The following CPED1 variants were observed in gnomAD, a reference collection of about 807,000 sequenced individuals.
CPED1 encodes the protein cadherin like and PC-esterase domain containing 1, also known as cadherin-like and PC-esterase domain-containing protein 1.
Under a neutral mutation model 128.2 loss-of-function variants are expected in CPED1, and 114 were observed. That is an observed-to-expected ratio of 0.89 (90% CI 0.76 to 1.04). The LOEUF is 1.04. Among genes scored for constraint, CPED1 ranks in the 50% least tolerant of loss-of-function variants. The pLI is 0.00. For missense variants in CPED1, 1,211 were observed against 1,207.1 expected (o/e 1.00, Z -0.05); for synonymous variants, 462 against 426.7 (o/e 1.08, Z -1.02).
intron 7 of CPED1, among the ~76,000 whole-genome samples, chr7:121,107,474 A>G (rs1018239173): frequency 2.0e-5 from 3 of 152,124 alleles, no homozygotes; most frequent in African/African-American, 7.2e-5. Flanking sequence ...TGCCTGGCAT[A>G]GTAGCTAATA....
chr7:121,190,544 C>T (rs1209518979), intron 16 of CPED1, among the ~76,000 whole-genome samples: 1 of 152,000 alleles, frequency 6.6e-6, no homozygotes, highest in Non-Finnish European at 1.5e-5. Flanking sequence ...TTCTCACTTC[C>T]AGACCTGTGT....
At chr7:121,134,955 G>GTTGCATTTTTTTAATTAAAT (rs1270976063) in intron 13 of CPED1, among the ~76,000 whole-genome samples, 1 of 151,628 alleles carries the variant, frequency 6.6e-6, no homozygotes, top group Non-Finnish European at 1.5e-5. Context: ...TAAAAAAATA[G>GTTGCATTTTTTTAATTAAAT]AGTTCATTAC....
At chr7:121,110,494 T>C (rs1795083613) in intron 7 of CPED1, among the ~76,000 whole-genome samples, 1 of 152,148 alleles carries the variant, frequency 6.6e-6, no homozygotes, top group Admixed American at 6.6e-5. Flanking sequence ...GAGCTATAAT[T>C]CTGTGATGAG....
chr7:121,079,272 G>A (rs1056160465), intron 5 of CPED1, among the ~76,000 whole-genome samples: 4 of 152,138 alleles, frequency 2.6e-5, no homozygotes, highest in Non-Finnish European at 4.4e-5. Context: ...CGAGAGAACA[G>A]ATCCCCAAAG....
At chr7:121,205,340 A>G (rs752782439) in intron 16 of CPED1, among the ~76,000 whole-genome samples, 14 of 151,954 alleles carry the variant, frequency 9.2e-5, no homozygotes, top group Non-Finnish European at 1.3e-4. Flanking sequence ...TTAGTCAGTT[A>G]ATTATTTCAT....
At chr7:121,177,628 A>G (rs557895235) in intron 16 of CPED1, among the ~76,000 whole-genome samples, 2 of 152,220 alleles carry the variant, frequency 1.3e-5, no homozygotes, top group Non-Finnish European at 2.9e-5. Context: ...AGTTACACAC[A>G]TATAACAGTG....
intron 5 of CPED1, among the ~76,000 whole-genome samples, chr7:121,097,176 T>G (rs981429830): frequency 9.2e-5 from 14 of 152,318 alleles, no homozygotes; most frequent in African/African-American, 3.1e-4. Flanking sequence ...TTATTGTTCT[T>G]TATTTTTATA....
intron 2 of CPED1, among the ~76,000 whole-genome samples, chr7:121,011,810 C>A (rs372233710): frequency 6.6e-6 from 1 of 152,066 alleles, no homozygotes; most frequent in Non-Finnish European, 1.5e-5. Context: ...TGGAATCATA[C>A]ACATTATTGC....
chr7:121,233,523 T>C (rs773683419), intron 16 of CPED1, among the ~76,000 whole-genome samples: 8 of 151,984 alleles, frequency 5.3e-5, no homozygotes, highest in Non-Finnish European at 1.2e-4. Flanking sequence ...TACTCCAGCC[T>C]GAGCGACAGA....
At chr7:121,278,004 CA>C (rs1792364213) in intron 22 of CPED1, among the ~76,000 whole-genome samples, 1 of 151,916 alleles carries the variant, frequency 6.6e-6, no homozygotes, top group South Asian at 2.1e-4. Context: ...GTGAGGATTC[CA>C]AAATAATGTT....
At chr7:121,039,466 G>T (rs1792990221) in intron 3 of CPED1, among the ~76,000 whole-genome samples, 1 of 151,890 alleles carries the variant, frequency 6.6e-6, no homozygotes, top group Non-Finnish European at 1.5e-5. Flanking sequence ...CCTTTTATTG[G>T]AGAATGGTAT....
chr7:121,290,553 A>C (rs1383628190), intron 22 of CPED1, among the ~76,000 whole-genome samples: 2 of 152,174 alleles, frequency 1.3e-5, no homozygotes, highest in East Asian at 3.9e-4. Context: ...TTCTCTAATG[A>C]CCAGTGATGA....
chr7:121,117,852 T>C (rs180982714), intron 7 of CPED1, among the ~76,000 whole-genome samples: 1 of 152,166 alleles, frequency 6.6e-6, no homozygotes, highest in East Asian at 1.9e-4. Context: ...CTTCTGCTCT[T>C]CAGAAGAAAG....
At chr7:121,250,179 G>T (rs533510013) in intron 18 of CPED1, among the ~76,000 whole-genome samples, 1 of 152,208 alleles carries the variant, frequency 6.6e-6, no homozygotes, top group South Asian at 2.1e-4. Flanking sequence ...ACTCAAAACT[G>T]CTCAACTACA....
At chr7:121,150,178 G>C (rs1256108504) in intron 16 of CPED1, among the ~76,000 whole-genome samples, 8 of 151,432 alleles carry the variant, frequency 5.3e-5, no homozygotes, top group Admixed American at 2.0e-4. Context: ...TAGTACCAAA[G>C]AGGTAGTTTT....
At chr7:121,288,502 A>C (rs897562733) in intron 22 of CPED1, among the ~76,000 whole-genome samples, 7 of 152,184 alleles carry the variant, frequency 4.6e-5, no homozygotes, top group African/African-American at 1.7e-4. Flanking sequence ...TAGGTTATCA[A>C]CCTTCCATTG....
At chr7:121,088,047 T>G (rs1001175495) in intron 5 of CPED1, among the ~76,000 whole-genome samples, 2 of 152,296 alleles carry the variant, frequency 1.3e-5, no homozygotes, top group East Asian at 3.9e-4. Flanking sequence ...AATTATTTTC[T>G]CTAAGATACT....
chr7:121,124,078 G>C lies in CPED1; in HGVS notation c.919-253G>C, dbSNP rs115351411. 5.3e-3 allele frequency among the ~76,000 whole-genome samples: 810 copies of C among 152,242 alleles called. 6 individuals are homozygous for C. Among genetic ancestry groups the C allele is most frequent in the African/African-American group, 0.018 (764 of 41,562 alleles). ...TGATGACAAGACTTGCATTTTCCAC[G>C]ATTAGATGCTGTGAAATGAGGAAAA... On this transcript the variant is annotated intron_variant, in intron 7 of 22. Transcript: ENST00000310396.
intron 7 of CPED1, among the ~76,000 whole-genome samples, chr7:121,123,183 T>A (rs1208929522): frequency 1.3e-5 from 2 of 152,198 alleles, no homozygotes; most frequent in South Asian, 2.1e-4. Context: ...CAAATACTAA[T>A]GACGCATTCT....
Sources: gnomAD v4.1 joint callset for allele counts (sites outside exome capture counted in the v4.1 genomes callset) on GRCh38, gnomAD v4.1.1 for gene constraint, MANE v1.5 for transcripts, NCBI Gene and HGNC (gene_info 2026-07-23, HGNC 2026-07-21) for gene names.